The following EML6 variants were observed in gnomAD, a reference collection of about 807,000 sequenced individuals.
EML6 encodes the protein EMAP like 6.
A neutral mutation model predicts 240.1 loss-of-function variants in EML6; 154 were observed. That is an observed-to-expected ratio of 0.64 (90% CI 0.56 to 0.73). The LOEUF (loss-of-function observed/expected upper bound fraction) is 0.73. Ranked by LOEUF, EML6 falls within the 30% of genes least tolerant of loss-of-function variation. EML6 has a pLI of 0.00. For synonymous variants in EML6, 1,148 were observed against 899.0 expected, an observed-to-expected ratio of 1.28 and a Z score of -4.95; for missense variants, 2,964 against 2,474.6, an observed-to-expected ratio of 1.20 and a Z score of -4.20.
chr2:54,806,277 T>C (rs572397408), intron 2 of EML6, among the ~76,000 whole-genome samples: 2 of 151,934 alleles, frequency 1.3e-5, no homozygotes, highest in South Asian at 4.2e-4. Context: ...TCAAGGAGAG[T>C]TCACCATAGC....
In EML6 at chr2:54,948,885, A is replaced by G. The variant is rs1303848216; in HGVS notation, c.4008A>G (p.Pro1336=). ...QLKEVSVEER[P]PVSRAAPQPE... ...CTCTGGCCGCTCTCTCTTCCAGACC[A>G]CCCGTTAGCCGAGCAGCTCCCCAGC... The change falls in exon 29 of 42, where the codon CCA becomes CCG. Residue 1336 remains proline (P), a synonymous_variant. Coordinates refer to ENST00000356458, the MANE Select transcript of EML6 (RefSeq NM_001039753.4). 3 of 1,551,110 alleles carry G rather than the reference A, an allele frequency of 1.9e-6. No individual in the cohort carries two copies. Among genetic ancestry groups the G allele is most frequent in the African/African-American group, 2.7e-5 (2 of 73,034 alleles).
intron 29 of EML6, among the ~76,000 whole-genome samples, chr2:54,949,784 A>G (rs546252737): frequency 6.6e-6 from 1 of 152,204 alleles, no homozygotes; most frequent in African/African-American, 2.4e-5. Context: ...ACCACAGTGC[A>G]AATCTCTGGC....
intron 17 of EML6, among the ~76,000 whole-genome samples, chr2:54,885,601 T>C (rs1203593034): frequency 6.6e-6 from 1 of 152,144 alleles, no homozygotes; most frequent in Non-Finnish European, 1.5e-5. Context: ...AATATCCATA[T>C]TCACTTTTTG....
intron 2 of EML6, among the ~76,000 whole-genome samples, chr2:54,781,336 T>C (rs759869894): frequency 8.5e-5 from 13 of 152,272 alleles, no homozygotes; most frequent in African/African-American, 3.1e-4. Context: ...ATAAATCGCA[T>C]GGATTTTGAA....
rs146173687 is a variant in EML6 at position 54,801,164 on chromosome 2, C to G, written c.198-12068C>G. Among the ~76,000 whole-genome samples, 801 of 151,766 alleles carry G rather than the reference C, an allele frequency of 5.3e-3. 7 individuals are homozygous for G. The highest frequency in any genetic ancestry group is 0.019 in the African/African-American group (770 of 41,378). On this transcript the variant is annotated intron_variant, in intron 2 of 41. Coordinates refer to ENST00000356458, the MANE Select transcript of EML6 (RefSeq NM_001039753.4). ...TGAAACCCCGTCTCTACTAAAAATA[C>G]AAAAAATCAGCCGGGCATGGTGGTG... is the stretch of plus-strand genomic sequence containing the variant.
Position 54,844,115 on chromosome 2 carries a change from T to C in EML6, c.916T>C (p.Phe306Leu), listed in dbSNP as rs1045142730. The change falls in exon 8 of 42, where the codon TTT (phenylalanine) becomes CTT (leucine). Residue 306 changes from phenylalanine (F) to leucine (L), a missense_variant. Coordinates refer to ENST00000356458, the MANE Select transcript of EML6 (RefSeq NM_001039753.4). ...AGCAGGGACCCAGGACAGTGAGATA[T>C]TTGAAGTGATTGTGCGAGAGCGAGA... The part of the protein sequence containing the change: ...LLAGTQDSEI[F>L]EVIVRERDKP... 3 of 1,551,620 alleles carry C rather than the reference T, an allele frequency of 1.9e-6. No individual in the cohort carries two copies. Among genetic ancestry groups the C allele is most frequent in the Non-Finnish European group, 2.6e-6 (3 of 1,146,980 alleles).
At chr2:54,923,361 C>CCAAA (rs1359666965) in intron 26 of EML6, among the ~76,000 whole-genome samples, 3 of 85,608 alleles carry the variant, frequency 3.5e-5, no homozygotes, top group African/African-American at 1.4e-4. Context: ...AGTGTCCTCA[C>CCAAA]CAAACGCACA....
intron 26 of EML6, among the ~76,000 whole-genome samples, chr2:54,917,372 T>G (rs9751102): frequency 0.061 from 8,941 of 146,402 alleles, 422 homozygotes; most frequent in African/African-American, 0.19. Context: ...TTTTTTTTTT[T>G]TTTGTTTTTT....
rs568714286 is a variant in EML6 at position 54,972,018 on chromosome 2, T to TAAAC, written c.*1925_*1928dup. On this transcript the variant is annotated 3_prime_UTR_variant, in exon 42 of 42. Coordinates refer to ENST00000356458, the MANE Select transcript of EML6 (RefSeq NM_001039753.4). The stretch of plus-strand genomic sequence containing the variant: ...ATGTGTCAAATAAAATTTGATTATG[T>TAAAC]AAACACATTTGTTGACTTTTGTTTC... The TAAAC allele has an allele frequency of 9.2e-5, 14 of 151,596 alleles. No homozygotes were observed. Among genetic ancestry groups the TAAAC allele is most frequent in the Non-Finnish European group, 1.3e-4 (9 of 67,878 alleles). The allele number at this position is 151,596 out of a possible 1,614,324, so 9.4% of individuals were successfully genotyped here.
At chr2:54,723,578 G>T (rs971710480), upstream of EML6, 2 of 152,302 alleles carry the variant, frequency 1.3e-5, no homozygotes, top group African/African-American at 4.8e-5. Context: ...CCTAGTAACC[G>T]GCAGCTGAGG....
At chr2:54,845,206 A>C (rs919238991) in intron 8 of EML6, among the ~76,000 whole-genome samples, 2 of 152,246 alleles carry the variant, frequency 1.3e-5, no homozygotes, top group African/African-American at 4.8e-5. Flanking sequence ...CATTGATCTA[A>C]AAATCAGTGA....
chr2:54,902,855 A>G (rs573958137), intron 22 of EML6, among the ~76,000 whole-genome samples, 189 bp from the exon 23 acceptor site: 21 of 152,358 alleles, frequency 1.4e-4, no homozygotes, highest in Non-Finnish European at 2.9e-4. Context: ...GATTACAGGC[A>G]TGAGCTGCTG....
chr2:54,836,769 G>GT (rs1669170910), intron 7 of EML6, among the ~76,000 whole-genome samples: 1 of 152,136 alleles, frequency 6.6e-6, no homozygotes, highest in Non-Finnish European at 1.5e-5. Flanking sequence ...ATTCCTAATC[G>GT]TTTTTTAGCA....
rs77608890 is a variant in EML6, at chr2:54,927,381, T to C, written c.3676-932T>C. On this transcript the variant is annotated intron_variant, in intron 26 of 41. Transcript: ENST00000356458. ...TCCAAAACCCTCTGGGAGCCACTTG[T>C]AAATTACTTAATAAAATTTTCATCT... Among the ~76,000 whole-genome samples the C allele has an allele frequency of 6.2e-4, 94 of 152,346 alleles. 1 individual carries two copies. The East Asian group carries it at 0.015, about 24-fold the overall frequency.
At chr2:54,755,577 C>T (rs548984006) in intron 2 of EML6, among the ~76,000 whole-genome samples, 10 of 152,236 alleles carry the variant, frequency 6.6e-5, no homozygotes, top group South Asian at 2.1e-4. Context: ...TTCATCTCTA[C>T]GTATTTGATG....
At chr2:54,957,392 G>A (rs952186941) in intron 32 of EML6, among the ~76,000 whole-genome samples, 2 of 147,840 alleles carry the variant, frequency 1.4e-5, no homozygotes, top group Non-Finnish European at 1.5e-5. Flanking sequence ...AGGAATGTGA[G>A]TCCCAGTGGC....
intron 12 of EML6, among the ~76,000 whole-genome samples, chr2:54,860,939 C>G (rs1001770009): frequency 9.2e-5 from 14 of 152,160 alleles, no homozygotes; most frequent in African/African-American, 3.4e-4. Context: ...TCTAGTCTTC[C>G]TATATCACAG....
intron 29 of EML6, among the ~76,000 whole-genome samples, chr2:54,950,327 C>T (rs542374936): frequency 2.0e-5 from 3 of 152,328 alleles, no homozygotes; most frequent in Admixed American, 1.3e-4. Context: ...GGCACAGACA[C>T]AAAACTGCTA....
chr2:54,851,254 CA>C (rs200741931), intron 10 of EML6, among the ~76,000 whole-genome samples: 1 of 150,742 alleles, frequency 6.6e-6, no homozygotes, highest in Admixed American at 6.6e-5. Context: ...GCTAAAGATA[CA>C]AAAAAAAATC....
Sources: allele counts gnomAD v4.1 joint callset (sites outside exome capture counted in the v4.1 genomes callset), GRCh38; gene constraint gnomAD v4.1.1; transcripts MANE v1.5; gene names NCBI Gene and HGNC (gene_info 2026-07-23, HGNC 2026-07-21).